Variants in ARHGEF18 observed in about 807,000 individuals in gnomAD.
ARHGEF18 encodes the protein Rho/Rac guanine nucleotide exchange factor 18.
Under a neutral mutation model 155.7 loss-of-function variants are expected in ARHGEF18, and 93 were observed. The observed-to-expected ratio is 0.60, with a 90% confidence interval of 0.50 to 0.71. The LOEUF (loss-of-function observed/expected upper bound fraction) is 0.71. ARHGEF18 is among the 30% of genes least tolerant of loss of function. The pLI, the probability that ARHGEF18 is intolerant of heterozygous loss-of-function variation, is 0.00. For synonymous variants in ARHGEF18, 742 were observed against 753.1 expected (o/e 0.99, Z 0.24); for missense variants, 1,593 against 1,816.1 (o/e 0.88, Z 2.23).
rs373944883 is a variant in ARHGEF18, at chr19:7,460,044, G to A, written c.2452+50G>A. 1.7e-4 allele frequency: 255 copies of A among 1,529,644 alleles called. 1 individual carries two copies. In the East Asian group the frequency reaches 4.4e-3, roughly 26 times the overall value. 94.8% of individuals were successfully genotyped at this position (1,529,644 alleles called of 1,614,324 possible). ...ACACCCCTTGTGTGGTGAGCCCTGGGCCCTCCATCAGGACTGGCCACAGAG... is the reference window on the plus strand; with the variant it reads ...ACACCCCTTGTGTGGTGAGCCCTGGACCCTCCATCAGGACTGGCCACAGAG... On this transcript the variant is annotated intron_variant, in intron 20 of 28. Transcript: ENST00000668164.
intron 10 of ARHGEF18, among the ~76,000 whole-genome samples, chr19:7,423,050 A>AT (rs985381735): frequency 5.3e-5 from 8 of 151,106 alleles, no homozygotes; most frequent in African/African-American, 1.5e-4. Flanking sequence ...TGTGTAAATA[A>AT]TTTTTTTTTG....
chr19:7,469,822 C>A, intron 27 of ARHGEF18, 82 bp from the exon 28 acceptor site: 4 of 1,530,306 alleles, frequency 2.6e-6, no homozygotes, highest in South Asian at 1.2e-5. Flanking sequence ...GGTGGCCAGG[C>A]CCCTCTGCTC....
chr19:7,464,506 TCC>T, intron 22 of ARHGEF18, 52 bp from the exon 23 acceptor site: 1 of 1,558,126 alleles, frequency 6.4e-7, no homozygotes, highest in East Asian at 2.3e-5. Context: ...CTGGGAAGCT[TCC>T]CCCTCCCCAC....
At chr19:7,438,068 C>T (rs1235279516) in intron 10 of ARHGEF18, among the ~76,000 whole-genome samples, 2 of 91,892 alleles carry the variant, frequency 2.2e-5, no homozygotes, top group Non-Finnish European at 4.2e-5. Context: ...TTCTCTTCTC[C>T]CCTCCCCTCC....
At position 7,444,355 on chromosome 19, in the gene ARHGEF18, C is replaced by T. The variant is rs1294808844; in HGVS notation, c.1512C>T (p.His504=). 1 of 1,613,678 alleles carries T rather than the reference C, an allele frequency of 6.2e-7. No homozygotes were observed. The highest frequency in any genetic ancestry group is 8.5e-7 in the Non-Finnish European group (1 of 1,180,030). ...CADDLLETHS[H]FLARLKERRQ... is the part of the protein sequence containing the mutation. ...ACGACCTGCTGGAGACGCACAGCCA[C>T]TTCCTCGCTCGGCTCAAGGAGCGCC... The change falls in exon 14 of 29, where the codon CAC becomes CAT. Residue 504 remains histidine, a synonymous_variant. Coordinates refer to ENST00000668164, the MANE Select transcript of ARHGEF18 (RefSeq NM_001367823.1). This position sits in a 1 kb window ranked among gnomAD's most constrained non-coding sequence, Gnocchi z 4.7.
At chr19:7,475,557 C>A (rs571722215), downstream of ARHGEF18, among the ~76,000 whole-genome samples, 7 of 152,214 alleles carry the variant, frequency 4.6e-5, no homozygotes, top group Admixed American at 2.6e-4. Flanking sequence ...CACACACACA[C>A]ACAACCACTG....
intron 10 of ARHGEF18, among the ~76,000 whole-genome samples, chr19:7,437,880 T>C (rs1431890994): frequency 6.6e-6 from 1 of 151,860 alleles, no homozygotes; most frequent in Non-Finnish European, 1.5e-5. Context: ...TGACCTCAGG[T>C]GATCCACCCG....
At chr19:7,478,946 A>G in the ARHGEF18 span, among the ~76,000 whole-genome samples, 1 of 152,188 alleles carries the variant, frequency 6.6e-6, no homozygotes, top group African/African-American at 2.4e-5. Context: ...TGCTCCCAGC[A>G]GGCTCTGCAG....
chr19:7,369,233 G>A (rs1207791372), intron 2 of ARHGEF18, among the ~76,000 whole-genome samples: 1 of 151,452 alleles, frequency 6.6e-6, no homozygotes, highest in Non-Finnish European at 1.5e-5. Flanking sequence ...AGGCTGAGGC[G>A]GATGGATCAT....
chr19:7,398,770 G>C (rs548716384), intron 10 of ARHGEF18, among the ~76,000 whole-genome samples: 1 of 152,164 alleles, frequency 6.6e-6, no homozygotes, highest in East Asian at 1.9e-4. Flanking sequence ...ATCGACTTGA[G>C]AATGTCCCCA....
chr19:7,373,709 C>T (rs1970308576), intron 3 of ARHGEF18, among the ~76,000 whole-genome samples: 1 of 151,516 alleles, frequency 6.6e-6, no homozygotes, highest in African/African-American at 2.4e-5. Context: ...CTCCTGACTT[C>T]ATGATCTGCC....
intron 10 of ARHGEF18, among the ~76,000 whole-genome samples, chr19:7,384,644 T>A (rs533933234): frequency 1.3e-5 from 2 of 152,224 alleles, no homozygotes; most frequent in African/African-American, 4.8e-5. Flanking sequence ...TCCAGCTCTG[T>A]GACCCATGAG....
At chr19:7,420,994 A>T (rs1267963839) in intron 10 of ARHGEF18, among the ~76,000 whole-genome samples, 1 of 152,260 alleles carries the variant, frequency 6.6e-6, no homozygotes, top group Middle Eastern at 3.4e-3. Context: ...GCAGTGGTGC[A>T]GTGATGGCTC....
chr19:7,372,883 C>T lies in ARHGEF18; in HGVS notation c.87C>T (p.Gly29=). 1 of 1,234,536 alleles carries T rather than the reference C, an allele frequency of 8.1e-7. No individual in the cohort carries two copies. Among genetic ancestry groups the T allele is most frequent in the Non-Finnish European group, 1.0e-6 (1 of 988,284 alleles). 76.5% of individuals were successfully genotyped at this position (1,234,536 alleles called of 1,614,324 possible). A position where few individuals can be genotyped will look rare whatever the true frequency, so the allele number is the denominator to read the frequency against. ...GCCTGGATTTGGGGGCCCTTCAGGG[C>T]AGCGAGTATCTGCAGGACCTGGGCC... The part of the protein sequence containing the change: ...DLSLDLGALQ[G]SEYLQDLGLG... The change falls in exon 3 of 29, where the codon GGC becomes GGT. Residue 29 remains glycine (G), a synonymous_variant. Transcript: ENST00000668164.
intron 15 of ARHGEF18, among the ~76,000 whole-genome samples, chr19:7,450,670 G>GTTTCCA (rs1975351548): frequency 2.0e-5 from 3 of 151,358 alleles, no homozygotes; most frequent in Non-Finnish European, 4.4e-5. Context: ...GTCCATTTCC[G>GTTTCCA]AGATGTTAAT....
chr19:7,450,353 C>T (rs75324578), intron 15 of ARHGEF18, among the ~76,000 whole-genome samples: 6 of 284 alleles, frequency 0.021, no homozygotes, highest in Admixed American at 0.071. Flanking sequence ...GATGTTAATG[C>T]GGGATCTTGC....
At chr19:7,398,690 CAAAAAA>C (rs1176940342) in intron 10 of ARHGEF18, among the ~76,000 whole-genome samples, 20 of 114,980 alleles carry the variant, frequency 1.7e-4, no homozygotes, top group African/African-American at 4.3e-4. Flanking sequence ...GACTCTGTCT[CAAAAAA>C]AAAAAAAAAA....
chr19:7,378,862 T>G (rs1970593016), intron 6 of ARHGEF18, among the ~76,000 whole-genome samples: 1 of 151,764 alleles, frequency 6.6e-6, no homozygotes, highest in Admixed American at 6.6e-5. Context: ...CCGGCTAATT[T>G]TTGTATTTCT....
intron 10 of ARHGEF18, among the ~76,000 whole-genome samples, chr19:7,438,046 C>A (rs1421061950): frequency 9.3e-6 from 1 of 107,396 alleles, no homozygotes; most frequent in Non-Finnish European, 1.9e-5. Context: ...CTCTTCTCTC[C>A]TCTCTTCTCT....
Sources: gnomAD v4.1 joint callset for allele counts (sites outside exome capture counted in the v4.1 genomes callset) on GRCh38, gnomAD v4.1.1 for gene constraint, Gnocchi (gnomAD v3.1) non-coding constraint, MANE v1.5 for transcripts, NCBI Gene and HGNC (gene_info 2026-07-23, HGNC 2026-07-21) for gene names.